Variants in ITGA1 observed in about 807,000 individuals in gnomAD.
ITGA1 encodes integrin alpha-1.
A neutral mutation model predicts 145.9 loss-of-function variants in ITGA1; 85 were observed. The observed-to-expected ratio is 0.58, with a 90% confidence interval of 0.49 to 0.70. The LOEUF is 0.70. Ranked by LOEUF, ITGA1 falls within the 30% of genes least tolerant of loss-of-function variation. The pLI, the probability that ITGA1 is intolerant of heterozygous loss-of-function variation, is 0.00. For missense variants in ITGA1, 1,351 were observed against 1,418.7 expected, an observed-to-expected ratio of 0.95 and a Z score of 0.77; for synonymous variants, 520 against 495.3, an observed-to-expected ratio of 1.05 and a Z score of -0.66.
At chr5:52,794,914 G>A (rs931592079) in intron 1 of ITGA1, among the ~76,000 whole-genome samples, 3 of 151,930 alleles carry the variant, frequency 2.0e-5, no homozygotes, top group African/African-American at 7.2e-5. Flanking sequence ...TTGCCATTAT[G>A]TGTTATTCTA....
intron 16 of ITGA1, among the ~76,000 whole-genome samples, chr5:52,919,893 T>G (rs917506700): frequency 2.0e-5 from 3 of 152,104 alleles, no homozygotes; most frequent in African/African-American, 7.2e-5. Context: ...ATAAATAGAT[T>G]AAAATGTATA....
chr5:52,851,071 A>C (rs1331157810), intron 2 of ITGA1, among the ~76,000 whole-genome samples: 2 of 152,248 alleles, frequency 1.3e-5, no homozygotes, highest in Non-Finnish European at 2.9e-5. Context: ...CACAAATTTT[A>C]AAGAGGAGTA....
chr5:52,800,804 T>C (rs1271097891), intron 1 of ITGA1: 1 of 1,612,132 alleles, frequency 6.2e-7, no homozygotes. Context: ...AGCGCTGATG[T>C]GGCGGCTGTG....
At chr5:52,812,049 G>A (rs1426130095) in intron 1 of ITGA1, among the ~76,000 whole-genome samples, 1 of 152,168 alleles carries the variant, frequency 6.6e-6, no homozygotes, top group Non-Finnish European at 1.5e-5. Context: ...TCATCACTGA[G>A]TAGGACTATT....
chr5:52,837,720 G>T (rs73756266), intron 1 of ITGA1, among the ~76,000 whole-genome samples: 4,245 of 151,988 alleles, frequency 0.028, 214 homozygotes, highest in African/African-American at 0.098. Flanking sequence ...CTAATGGAAA[G>T]AATGTAAAAG....
At chr5:52,923,286 G>A (rs1216366382) in intron 18 of ITGA1, among the ~76,000 whole-genome samples, 1 of 152,140 alleles carries the variant, frequency 6.6e-6, no homozygotes, top group Non-Finnish European at 1.5e-5. Context: ...ATGATCTAAA[G>A]GTAACAAGGG....
intron 1 of ITGA1, chr5:52,800,606 C>G: frequency 6.2e-7 from 1 of 1,613,658 alleles, no homozygotes. Flanking sequence ...TGCGTGGAGG[C>G]CATCGACTTC....
At chr5:52,799,178 CTTTTG>C (rs1748403493) in intron 1 of ITGA1, among the ~76,000 whole-genome samples, 1 of 152,136 alleles carries the variant, frequency 6.6e-6, no homozygotes, top group Admixed American at 6.5e-5. Flanking sequence ...CTTTTAGATT[CTTTTG>C]TTTTTTCTAT....
intron 1 of ITGA1, chr5:52,824,453 T>G (rs994182180): frequency 6.6e-6 from 1 of 152,014 alleles, no homozygotes; most frequent in African/African-American, 2.4e-5. Flanking sequence ...CACCACGCCC[T>G]GCTAATTTTT....
intron 1 of ITGA1, among the ~76,000 whole-genome samples, chr5:52,794,194 G>T (rs755496882): frequency 1.2e-4 from 18 of 151,780 alleles, no homozygotes; most frequent in Admixed American, 3.9e-4. Flanking sequence ...TACTCTTTTT[G>T]TATGAATTAT....
chr5:52,886,166 C>T lies in ITGA1; in HGVS notation c.774-1649C>T, dbSNP rs561567939. Among the ~76,000 whole-genome samples, 270 of 152,182 alleles carry T rather than the reference C, an allele frequency of 1.8e-3. 1 individual carries two copies. Among genetic ancestry groups the T allele is most frequent in the South Asian group, 4.8e-3 (23 of 4,826 alleles). On this transcript the variant is annotated intron_variant, in intron 7 of 28. Coordinates refer to ENST00000282588, the MANE Select transcript of ITGA1 (RefSeq NM_181501.2). ...GAAGAAGATGTAAAGGAGCCTGACT[C>T]GGTTTTGGTCAAGGAGAGGGTCTTT...
chr5:52,939,048 G>A (rs958989597), intron 24 of ITGA1, among the ~76,000 whole-genome samples: 8 of 151,848 alleles, frequency 5.3e-5, no homozygotes, highest in Non-Finnish European at 1.2e-4. Context: ...GACTACAGGC[G>A]CCTGCCACCA....
chr5:52,956,164 C>T lies in ITGA1; in HGVS notation c.*3713C>T, dbSNP rs1308746175. 2 of 152,108 alleles carry T rather than the reference C, an allele frequency of 1.3e-5. No homozygotes were observed. The highest frequency in any genetic ancestry group is 2.9e-5 in the Non-Finnish European group (2 of 68,044). 9.4% of individuals were successfully genotyped at this position (152,108 alleles called of 1,614,324 possible). Reference sequence around the variant, plus strand: ...CTCTCCAAGGCCACAGCTTGCACACCGTGAATGGTGGCCCCACTGGCTCCA... The same window carrying T: ...CTCTCCAAGGCCACAGCTTGCACACTGTGAATGGTGGCCCCACTGGCTCCA... On this transcript the variant is annotated 3_prime_UTR_variant, in exon 29 of 29. Coordinates refer to ENST00000282588, the MANE Select transcript of ITGA1 (RefSeq NM_181501.2).
intron 14 of ITGA1, among the ~76,000 whole-genome samples, chr5:52,911,807 T>C (rs1448894498): frequency 1.5e-5 from 2 of 136,968 alleles, no homozygotes; most frequent in African/African-American, 5.2e-5. Context: ...ATATATACTA[T>C]ATATGGTGTA....
At chr5:52,872,575 A>AATTTTTTTTTT (rs1749793749) in intron 6 of ITGA1, among the ~76,000 whole-genome samples, 1 of 98,372 alleles carries the variant, frequency 1.0e-5, no homozygotes, top group East Asian at 4.4e-4. Flanking sequence ...GCCTCAGTCA[A>AATTTTTTTTTT]TTTTTTTTTT....
At chr5:52,836,754 T>G (rs1297522280) in intron 1 of ITGA1, among the ~76,000 whole-genome samples, 1 of 152,162 alleles carries the variant, frequency 6.6e-6, no homozygotes, top group East Asian at 1.9e-4. Flanking sequence ...GCTCTTCTAT[T>G]TTGTGCATTT....
In ITGA1 at chr5:52,957,522, A is replaced by G. The variant is rs571344232; in HGVS notation, c.*5071A>G. 1 of 152,208 alleles carries G rather than the reference A, an allele frequency of 6.6e-6. No homozygotes were observed. The highest frequency in any genetic ancestry group is 2.4e-5 in the African/African-American group (1 of 41,530). The allele number at this position is 152,208 out of a possible 1,614,324, so 9.4% of individuals were successfully genotyped here. On this transcript the variant is annotated 3_prime_UTR_variant, in exon 29 of 29. Transcript: ENST00000282588. The stretch of plus-strand genomic sequence containing the variant: ...TTTAGAACTTTATACAAGACTCCCT[A>G]GCATTTTCCTCCTCCCACAGGCTGG...
chr5:52,931,879 A>G (rs941060624), intron 21 of ITGA1, 168 bp from the exon 22 acceptor site: 6 of 498,604 alleles, frequency 1.2e-5, no homozygotes, highest in African/African-American at 1.2e-4. Flanking sequence ...CAACCATACC[A>G]ATCATCTCTG....
In ITGA1 at chr5:52,907,003, G is replaced by A. The variant is rs532994736; in HGVS notation, c.1455+1095G>A. On this transcript the variant is annotated intron_variant, in intron 12 of 28. Coordinates refer to ENST00000282588, the MANE Select transcript of ITGA1 (RefSeq NM_181501.2). ...CGGCTACAAGAGTAACTGCACTCTG[G>A]GAAGTCAAAAATATGTCATCTTCAT... is the stretch of plus-strand genomic sequence containing the variant. Among the ~76,000 whole-genome samples the A allele has an allele frequency of 2.7e-4, 41 of 152,232 alleles. 3 individuals are homozygous for A. The South Asian group carries it at 7.9e-3, about 29-fold the overall frequency.
Sources: allele counts gnomAD v4.1 joint callset (sites outside exome capture counted in the v4.1 genomes callset), GRCh38; gene constraint gnomAD v4.1.1; transcripts MANE v1.5; gene names NCBI Gene and HGNC (gene_info 2026-07-23, HGNC 2026-07-21).